Variants in IER3IP1 observed in about 807,000 individuals in gnomAD.
IER3IP1 encodes the protein immediate early response 3-interacting protein 1.
In IER3IP1, 16 loss-of-function variants were observed where a neutral mutation model predicts 12.2. The observed-to-expected ratio is 1.31, with a 90% CI of 0.89 to 1.99. The LOEUF is 1.99. Ranked by LOEUF, IER3IP1 falls within the 30% of genes most tolerant of loss-of-function variation. The pLI is 0.00. For synonymous variants in IER3IP1, 42 were observed against 40.0 expected (o/e 1.05, Z -0.19); for missense variants, 95 against 95.8 (o/e 0.99, Z 0.03).
At chr18:47,169,677 C>T (rs1039720005) in intron 1 of IER3IP1, among the ~76,000 whole-genome samples, 38 of 150,984 alleles carry the variant, frequency 2.5e-4, no homozygotes, top group Non-Finnish European at 4.1e-4. Flanking sequence ...ATTATGGTTT[C>T]GGTTTGCACT....
At chr18:47,174,525 C>G (rs2064025149) in intron 1 of IER3IP1, among the ~76,000 whole-genome samples, 1 of 152,074 alleles carries the variant, frequency 6.6e-6, no homozygotes, top group African/African-American at 2.4e-5. Flanking sequence ...AAAAATTAGC[C>G]AGGCTTGGTG....
intron 1 of IER3IP1, among the ~76,000 whole-genome samples, chr18:47,168,645 A>G (rs1248375401): frequency 6.6e-6 from 1 of 152,190 alleles, no homozygotes; most frequent in Admixed American, 6.5e-5. Context: ...AATACAATTT[A>G]GTCATTCTAC....
intron 1 of IER3IP1, among the ~76,000 whole-genome samples, chr18:47,160,754 C>T (rs1404164461): frequency 1.3e-5 from 2 of 152,142 alleles, no homozygotes; most frequent in Admixed American, 6.6e-5. Flanking sequence ...AGATTATGAT[C>T]CAAACCTGTA....
At chr18:47,173,815 C>T (rs2064022759) in intron 1 of IER3IP1, among the ~76,000 whole-genome samples, 1 of 152,140 alleles carries the variant, frequency 6.6e-6, no homozygotes, top group Non-Finnish European at 1.5e-5. Flanking sequence ...TCATCCATGC[C>T]TCTCTCTTAA....
chr18:47,162,715 A>G (rs1713714770), intron 1 of IER3IP1, among the ~76,000 whole-genome samples: 1 of 152,218 alleles, frequency 6.6e-6, no homozygotes, highest in Admixed American at 6.5e-5. Flanking sequence ...AAGAAATAAT[A>G]AGTGAAAAGA....
intron 1 of IER3IP1, among the ~76,000 whole-genome samples, chr18:47,161,238 C>T (rs901701519): frequency 3.3e-5 from 5 of 152,110 alleles, no homozygotes; most frequent in African/African-American, 1.2e-4. Flanking sequence ...TGGTTGTTTG[C>T]TTTTTTGTCA....
At position 47,154,074 on chromosome 18, in the gene IER3IP1, A is replaced by T. The variant is rs922563255; in HGVS notation, c.*2103T>A. 1 of 152,234 alleles carries T rather than the reference A, an allele frequency of 6.6e-6. No individual in the cohort carries two copies. The highest frequency in any genetic ancestry group is 1.5e-5 in the Non-Finnish European group (1 of 68,052). 9.4% of individuals were successfully genotyped at this position (152,234 alleles called of 1,614,324 possible). ...CTTCGCACAGTTCAGAGACATGCAA[A>T]CACAGGGCCAGAATACATAAGGACT... On this transcript the variant is annotated 3_prime_UTR_variant, in exon 3 of 3. Coordinates refer to ENST00000256433, the MANE Select transcript of IER3IP1 (RefSeq NM_016097.5).
At chr18:47,169,754 GA>G (rs1366796951) in intron 1 of IER3IP1, among the ~76,000 whole-genome samples, 1 of 151,800 alleles carries the variant, frequency 6.6e-6, no homozygotes, top group Non-Finnish European at 1.5e-5. Flanking sequence ...ATGTTCTTTG[GA>G]AAAAATTCTA....
intron 1 of IER3IP1, among the ~76,000 whole-genome samples, chr18:47,173,177 T>G (rs1447588847): frequency 1.3e-5 from 2 of 152,168 alleles, no homozygotes. Flanking sequence ...ATTTATTTCA[T>G]TATATCTTCA....
intron 1 of IER3IP1, among the ~76,000 whole-genome samples, chr18:47,169,088 C>G (rs2064006626): frequency 1.3e-5 from 2 of 152,186 alleles, no homozygotes; most frequent in Admixed American, 6.5e-5. Context: ...ACCTCAGGCC[C>G]TCCAGCACCA....
intron 1 of IER3IP1, 119 bp downstream of exon 1, chr18:47,176,068 C>G: frequency 2.3e-6 from 2 of 853,028 alleles, no homozygotes; most frequent in African/African-American, 1.7e-5. Context: ...CCACTCCAAG[C>G]CGAGCCTTCC....
intron 1 of IER3IP1, among the ~76,000 whole-genome samples, chr18:47,169,596 T>C (rs2064008589): frequency 6.6e-6 from 1 of 151,144 alleles, no homozygotes; most frequent in African/African-American, 2.4e-5. Context: ...TTTTAACTTT[T>C]TTATTTATTA....
In IER3IP1 at chr18:47,153,740, C is replaced by G. The variant is rs2063949036; in HGVS notation, c.*2437G>C. 1 of 152,128 alleles carries G rather than the reference C, an allele frequency of 6.6e-6. No individual in the cohort carries two copies. The highest frequency in any genetic ancestry group is 6.6e-5 in the Admixed American group (1 of 15,266). 9.4% of individuals were successfully genotyped at this position (152,128 alleles called of 1,614,324 possible). ...GGTATTATCTAATTCTTTTTTATGG[C>G]TAAAGCAGGGATTTTTATAAGATAC... On this transcript the variant is annotated 3_prime_UTR_variant, in exon 3 of 3. Coordinates refer to ENST00000256433, the MANE Select transcript of IER3IP1 (RefSeq NM_016097.5).
chr18:47,159,873 T>C (rs2063974242), intron 1 of IER3IP1, among the ~76,000 whole-genome samples: 1 of 152,142 alleles, frequency 6.6e-6, no homozygotes, highest in Non-Finnish European at 1.5e-5. Context: ...TGGTTTGATA[T>C]ACATCAACAT....
rs1285409194 is a variant in IER3IP1, at chr18:47,172,926, TA to T, written c.91+3260del. Among the ~76,000 whole-genome samples the T allele has an allele frequency of 1.3e-5, 2 of 152,210 alleles. No individual in the cohort carries two copies. Among genetic ancestry groups the T allele is most frequent in the African/African-American group, 4.8e-5 (2 of 41,452 alleles). Reference sequence around the variant, plus strand: ...TCCTGTCAGTTCTTCCATCTCTACCTAAACAATAAATACTAGAGGAGATTCT... The same window carrying T: ...TCCTGTCAGTTCTTCCATCTCTACCTAACAATAAATACTAGAGGAGATTCT... On this transcript the variant is annotated intron_variant, in intron 1 of 2. Coordinates refer to ENST00000256433, the MANE Select transcript of IER3IP1 (RefSeq NM_016097.5). This position sits in a 1 kb window ranked among gnomAD's most constrained non-coding sequence, Gnocchi z 4.0.
In IER3IP1 at chr18:47,155,299, T is replaced by C. The variant is rs1165715110; in HGVS notation, c.*878A>G. ...GAATTAAGAATCACACTCCACAATG[T>C]GCTGCTCCACCAAGAAATAGAAATG... is the stretch of plus-strand genomic sequence containing the variant. On this transcript the variant is annotated 3_prime_UTR_variant, in exon 3 of 3. Transcript: ENST00000256433. The C allele has an allele frequency of 6.6e-6, 1 of 152,202 alleles. No homozygotes were observed. The highest frequency in any genetic ancestry group is 1.5e-5 in the Non-Finnish European group (1 of 68,026). 9.4% of individuals were successfully genotyped at this position (152,202 alleles called of 1,614,324 possible). A position where few individuals can be genotyped will look rare whatever the true frequency, so the allele number is the denominator to read the frequency against.
At chr18:47,175,007 CATTT>C (rs2064027565) in intron 1 of IER3IP1, among the ~76,000 whole-genome samples, 1 of 152,164 alleles carries the variant, frequency 6.6e-6, no homozygotes, top group South Asian at 2.1e-4. Flanking sequence ...TTGTTATTGT[CATTT>C]GTTTAGTTTT....
At chr18:47,171,778 G>T (rs924939287) in intron 1 of IER3IP1, among the ~76,000 whole-genome samples, 39 of 152,184 alleles carry the variant, frequency 2.6e-4, no homozygotes, top group African/African-American at 9.4e-4. Flanking sequence ...AGATTTAGCA[G>T]ACTGACATTT....
intron 1 of IER3IP1, among the ~76,000 whole-genome samples, chr18:47,167,053 GT>G (rs773345227): frequency 3.1e-4 from 46 of 146,082 alleles, no homozygotes; most frequent in Admixed American, 5.5e-4. Context: ...GTTTGTAGCA[GT>G]TTTTTTTTTT....
Sources: allele counts gnomAD v4.1 joint callset (sites outside exome capture counted in the v4.1 genomes callset), GRCh38; gene constraint gnomAD v4.1.1; non-coding constraint Gnocchi (gnomAD v3.1); transcripts MANE v1.5; gene names NCBI Gene and HGNC (gene_info 2026-07-23, HGNC 2026-07-21).